The following CSMD2 variants were observed in gnomAD, a reference collection of about 807,000 sequenced individuals.
The protein encoded by CSMD2 is CUB and sushi domain-containing protein 2.
Under a neutral mutation model 398.5 loss-of-function variants are expected in CSMD2, and 130 were observed. The observed-to-expected ratio is 0.33, with a 90% confidence interval of 0.28 to 0.38. The LOEUF (loss-of-function observed/expected upper bound fraction) is 0.38, where lower values mean the gene tolerates loss of function less well. CSMD2 is among the 10% of genes least tolerant of loss of function. The probability of loss-of-function intolerance (pLI) is 1.00; values close to 1 mark genes in which losing one functional copy is unlikely to be tolerated. For synonymous variants in CSMD2, 1,828 were observed against 1,908.5 expected (o/e 0.96, Z 1.10); for missense variants, 3,829 against 4,764.9 (o/e 0.80, Z 5.78).
chr1:33,691,903 C>T (rs982133923), intron 25 of CSMD2, among the ~76,000 whole-genome samples: 1 of 152,150 alleles, frequency 6.6e-6, no homozygotes, highest in African/African-American at 2.4e-5. Context: ...TACCTCCGCT[C>T]ATACTGCTAC....
At chr1:34,003,254 T>G (rs1286841278) in intron 3 of CSMD2, among the ~76,000 whole-genome samples, 1 of 151,120 alleles carries the variant, frequency 6.6e-6, no homozygotes, top group African/African-American at 2.4e-5. Flanking sequence ...CATCTCCTCC[T>G]TCCCCTTGAG....
At chr1:33,729,037 A>G (rs1490103661) in intron 15 of CSMD2, among the ~76,000 whole-genome samples, 1 of 152,132 alleles carries the variant, frequency 6.6e-6, no homozygotes, top group Non-Finnish European at 1.5e-5. Flanking sequence ...GCTACATCCC[A>G]TTGTTACAAT....
At chr1:33,812,118 G>T (rs534296923) in intron 9 of CSMD2, among the ~76,000 whole-genome samples, 1 of 152,078 alleles carries the variant, frequency 6.6e-6, no homozygotes, top group South Asian at 2.1e-4. Context: ...TCATTCCTGC[G>T]CTTAGCTCAT....
chr1:33,845,789 G>A (rs969528407), intron 6 of CSMD2, among the ~76,000 whole-genome samples: 5 of 152,196 alleles, frequency 3.3e-5, no homozygotes, highest in Non-Finnish European at 5.9e-5. Flanking sequence ...TGAACGTAAC[G>A]CTTCTTCCTT....
At chr1:33,692,022 A>G (rs1258534951) in intron 25 of CSMD2, among the ~76,000 whole-genome samples, 2 of 152,178 alleles carry the variant, frequency 1.3e-5, no homozygotes, top group Non-Finnish European at 1.5e-5. Flanking sequence ...CGGATCTCAG[A>G]GTTTTGATTC....
Position 33,795,196 on chromosome 1 carries a change from G to T in CSMD2, c.1447-2670C>A, listed in dbSNP as rs1325246. Among the ~76,000 whole-genome samples, 977 of 152,300 alleles carry T rather than the reference G, an allele frequency of 6.4e-3. 9 individuals carry two copies. The highest frequency in any genetic ancestry group is 0.022 in the African/African-American group (924 of 41,558). ...GATGTGGGCCTGCAGCAACGTCTAGGTGAGGCGGGGTGTGAGCCTGTAGCA... is the reference window on the plus strand; with the variant it reads ...GATGTGGGCCTGCAGCAACGTCTAGTTGAGGCGGGGTGTGAGCCTGTAGCA... On this transcript the variant is annotated intron_variant, in intron 10 of 70. Coordinates refer to ENST00000373381, the MANE Select transcript of CSMD2 (RefSeq NM_001281956.2).
At chr1:33,777,745 A>G (rs1308787913) in intron 12 of CSMD2, among the ~76,000 whole-genome samples, 2 of 152,234 alleles carry the variant, frequency 1.3e-5, no homozygotes, top group Non-Finnish European at 2.9e-5. Context: ...GAAGTCCATC[A>G]TGACTGAGCT....
chr1:33,561,933 G>A (rs185084212), intron 53 of CSMD2, among the ~76,000 whole-genome samples: 66 of 152,170 alleles, frequency 4.3e-4, no homozygotes, highest in African/African-American at 1.4e-3. Context: ...CCCTGAAGGC[G>A]GAAATCACTC....
Position 33,838,135 on chromosome 1 carries a change from A to G in CSMD2, c.1033+8749T>C, listed in dbSNP as rs59898571. On this transcript the variant is annotated intron_variant, in intron 6 of 70. Transcript: ENST00000373381. The stretch of plus-strand genomic sequence containing the variant: ...TCCCAATGGATTCAGACTTCCCTCT[A>G]TGAGGGTGAGCCCCTCCAATAAACT... 8.5e-3 allele frequency among the ~76,000 whole-genome samples: 1,288 copies of G among 152,270 alleles called. 17 individuals carry two copies. Among genetic ancestry groups the G allele is most frequent in the African/African-American group, 0.03 (1,226 of 41,536 alleles).
intron 3 of CSMD2, among the ~76,000 whole-genome samples, chr1:33,989,468 C>T (rs1315488087): frequency 6.6e-6 from 1 of 152,178 alleles, no homozygotes; most frequent in Middle Eastern, 3.4e-3. Flanking sequence ...AATTTCATTC[C>T]TAAGAATTTA....
chr1:33,793,280 C>G (rs1258179550), intron 10 of CSMD2, among the ~76,000 whole-genome samples: 1 of 152,094 alleles, frequency 6.6e-6, no homozygotes, highest in African/African-American at 2.4e-5. Flanking sequence ...TGAGGAAATT[C>G]TGAAGGCTAC....
At chr1:33,689,083 G>A (rs760478045) in intron 25 of CSMD2, among the ~76,000 whole-genome samples, 17 of 115,152 alleles carry the variant, frequency 1.5e-4, no homozygotes, top group Non-Finnish European at 3.2e-4. Context: ...AAGGAGGGAA[G>A]GAGAGGAGGA....
At position 34,034,050 on chromosome 1, in the gene CSMD2, C is replaced by T. The variant is rs569961090; in HGVS notation, c.405-1344G>A. 2.0e-5 allele frequency among the ~76,000 whole-genome samples: 3 copies of T among 152,138 alleles called. No individual in the cohort carries two copies. In the East Asian group the frequency reaches 5.8e-4, roughly 29 times the overall value. On this transcript the variant is annotated intron_variant, in intron 2 of 70. Coordinates refer to ENST00000373381, the MANE Select transcript of CSMD2 (RefSeq NM_001281956.2). The stretch of plus-strand genomic sequence containing the variant: ...CCAGCAAAAGATCCCTACCTCACCC[C>T]ATATTCATATACTCTCTCTCATCAA...
At chr1:33,661,260 T>G (rs1170811936) in intron 26 of CSMD2, among the ~76,000 whole-genome samples, 2 of 152,230 alleles carry the variant, frequency 1.3e-5, no homozygotes, top group Non-Finnish European at 2.9e-5. Flanking sequence ...CTGGCTTTAA[T>G]TATTCATAAT....
intron 3 of CSMD2, among the ~76,000 whole-genome samples, chr1:33,970,631 T>C (rs949997208): frequency 1.3e-5 from 2 of 152,200 alleles, no homozygotes; most frequent in African/African-American, 4.8e-5. Context: ...AGAAGGGAGA[T>C]GGCTTCCTCT....
chr1:33,794,226 G>A (rs147139389), intron 10 of CSMD2, among the ~76,000 whole-genome samples: 1 of 152,282 alleles, frequency 6.6e-6, no homozygotes, highest in Non-Finnish European at 1.5e-5. Context: ...CATAAGCCTG[G>A]GTAGTGTCTA....
chr1:34,106,001 C>T (rs910534304), intron 1 of CSMD2, among the ~76,000 whole-genome samples: 1 of 152,140 alleles, frequency 6.6e-6, no homozygotes, highest in East Asian at 1.9e-4. Context: ...ATCAAGAACC[C>T]CAGAGGTCCA....
rs151258848 is a variant in CSMD2, at chr1:33,647,255, G to T, written c.4587-420C>A. 7.9e-5 allele frequency among the ~76,000 whole-genome samples: 12 copies of T among 152,140 alleles called. No individual in the cohort carries two copies. In the East Asian group the frequency reaches 2.3e-3, roughly 29 times the overall value. ...TTCTAAGAGAGAATGAGCCAACTAT[G>T]GTGCCATTCTCAGGGAGGAAGGGAC... On this transcript the variant is annotated intron_variant, in intron 28 of 70. Transcript: ENST00000373381.
intron 2 of CSMD2, among the ~76,000 whole-genome samples, chr1:34,048,529 C>T (rs1652808274): frequency 6.6e-6 from 1 of 152,184 alleles, no homozygotes; most frequent in South Asian, 2.1e-4. Context: ...CTCAGGCCAA[C>T]CTGGGGAAGG....
Sources: gnomAD v4.1 joint callset for allele counts (sites outside exome capture counted in the v4.1 genomes callset) on GRCh38, gnomAD v4.1.1 for gene constraint, MANE v1.5 for transcripts, NCBI Gene and HGNC (gene_info 2026-07-23, HGNC 2026-07-21) for gene names.